SORBS2: variants seen among roughly 807,000 people sequenced by gnomAD.
SORBS2 encodes sorbin and SH3 domain-containing protein 2.
A neutral mutation model predicts 97.7 loss-of-function variants in SORBS2; 46 were observed. The ratio of observed to expected loss-of-function variants is 0.47; its 90% CI spans 0.37 to 0.60. The LOEUF is 0.60. Ranked by LOEUF, SORBS2 falls within the 20% of genes least tolerant of loss-of-function variation. The pLI, the probability that SORBS2 is intolerant of heterozygous loss-of-function variation, is 0.00. For synonymous variants in SORBS2, 476 were observed against 473.4 expected (o/e 1.01, Z -0.07); for missense variants, 1,316 against 1,282.3 (o/e 1.03, Z -0.40).
Position 185,800,419 on chromosome 4 carries a change from C to A in SORBS2, c.-337-25053G>T, listed in dbSNP as rs553928770. 5.3e-5 allele frequency among the ~76,000 whole-genome samples: 8 copies of A among 152,302 alleles called. No individual in the cohort carries two copies. In the South Asian group the frequency reaches 1.2e-3, roughly 24 times the overall value. ...GCCGTTCCTGGGCGTCCGCTGGGAA[C>A]TTCCCTGACTGTCCTTCTGGCTCTC... On this transcript the variant is annotated intron_variant, in intron 1 of 20. Transcript: ENST00000284776.
At chr4:185,622,784 T>C in intron 7 of SORBS2, 130 bp downstream of exon 19, 1 of 824,452 alleles carries the variant, frequency 1.2e-6, no homozygotes, top group Non-Finnish European at 1.9e-6. Flanking sequence ...CAACAAGTTT[T>C]TGCTTCACAA....
At chr4:185,883,941 G>A (rs746119796) in intron 1 of SORBS2, among the ~76,000 whole-genome samples, 12 of 152,196 alleles carry the variant, frequency 7.9e-5, no homozygotes, top group South Asian at 2.1e-4. Context: ...TATCAGTCAC[G>A]TAAGTCCACA....
intron 4 of SORBS2, among the ~76,000 whole-genome samples, chr4:185,671,087 C>T (rs769602578): frequency 8.9e-4 from 135 of 152,110 alleles, no homozygotes; most frequent in Non-Finnish European, 1.5e-3. Context: ...GCCATTGCCC[C>T]GTTTCCCTAA....
At chr4:185,657,904 A>G (rs547421440), upstream of SORBS2, among the ~76,000 whole-genome samples, 8 of 152,312 alleles carry the variant, frequency 5.3e-5, no homozygotes, top group Non-Finnish European at 7.4e-5. Flanking sequence ...TTATCCTTCC[A>G]GTAATCTTTG....
chr4:185,888,566 A>G (rs2099240845), intron 1 of SORBS2, among the ~76,000 whole-genome samples: 1 of 152,238 alleles, frequency 6.6e-6, no homozygotes, highest in South Asian at 2.1e-4. Context: ...AGTTCATGGT[A>G]ACTTGTTACA....
At chr4:185,841,872 C>G (rs2099211756) in intron 1 of SORBS2, among the ~76,000 whole-genome samples, 1 of 152,140 alleles carries the variant, frequency 6.6e-6, no homozygotes, top group African/African-American at 2.4e-5. Context: ...TTTTACTGAC[C>G]AAACACTGTT....
rs372267542 is a variant in SORBS2 at position 185,887,958 on chromosome 4, ATATGTG to A, written c.-338+68232_-338+68237del. On this transcript the variant is annotated intron_variant, in intron 1 of 20. Transcript: ENST00000284776. ...TCATGGATTCTCACATAGTATATAT[ATATGTG>A]TGTGTGTGTGTGTGTGTGTGTGTGT... 2.0e-3 allele frequency among the ~76,000 whole-genome samples: 300 copies of A among 149,124 alleles called. 1 individual carries two copies. The highest frequency in any genetic ancestry group is 5.9e-3 in the East Asian group (30 of 5,082).
At chr4:185,891,082 A>T (rs576743239) in intron 1 of SORBS2, among the ~76,000 whole-genome samples, 2 of 152,148 alleles carry the variant, frequency 1.3e-5, no homozygotes, top group South Asian at 4.2e-4. Flanking sequence ...AAATGTTATG[A>T]GTTTCAGATT....
At chr4:185,792,323 G>A (rs1423315185) in intron 1 of SORBS2, among the ~76,000 whole-genome samples, 1 of 152,068 alleles carries the variant, frequency 6.6e-6, no homozygotes, top group Non-Finnish European at 1.5e-5. Context: ...GTGAAACCCC[G>A]TCTCTACTAA....
intron 1 of SORBS2, among the ~76,000 whole-genome samples, chr4:185,910,594 C>G (rs1341201988): frequency 6.6e-6 from 1 of 152,156 alleles, no homozygotes; most frequent in Admixed American, 6.5e-5. Flanking sequence ...CTTTCCCAGG[C>G]TGGCGTTCAG....
exon 1 of SORBS2, chr4:185,656,844 A>T: frequency 7.4e-7 from 1 of 1,345,554 alleles, no homozygotes; most frequent in Non-Finnish European, 9.5e-7. Flanking sequence ...TTATCATCCC[A>T]GGAGAGCTCT....
At chr4:185,844,950 C>G (rs2099213670) in intron 1 of SORBS2, among the ~76,000 whole-genome samples, 1 of 151,834 alleles carries the variant, frequency 6.6e-6, no homozygotes, top group Admixed American at 6.5e-5. Flanking sequence ...CTGCCTGGGG[C>G]TGGCGAAAGA....
intron 2 of SORBS2, among the ~76,000 whole-genome samples, chr4:185,738,677 T>C (rs1017263644): frequency 2.0e-5 from 3 of 152,224 alleles, no homozygotes; most frequent in Non-Finnish European, 4.4e-5. Flanking sequence ...CATATCTTTA[T>C]ATAGAAAAAG....
intron 6 of SORBS2, among the ~76,000 whole-genome samples, chr4:185,625,309 A>G (rs1004369211): frequency 2.6e-5 from 4 of 152,224 alleles, no homozygotes; most frequent in Non-Finnish European, 5.9e-5. Context: ...AGAGATCTAC[A>G]TTTGGCCTCA....
chr4:185,606,853 C>A lies in SORBS2; in HGVS notation c.2796+4927G>T, dbSNP rs1165814295. 2.0e-6 allele frequency: 2 copies of A among 985,364 alleles called. No homozygotes were observed. The highest frequency in any genetic ancestry group is 2.4e-6 in the Non-Finnish European group (2 of 829,914). The allele number at this position is 985,364 out of a possible 1,614,324, so 61.0% of individuals were successfully genotyped here. A position where few individuals can be genotyped will look rare whatever the true frequency, so the allele number is the denominator to read the frequency against. On this transcript the variant is annotated intron_variant, in intron 12 of 14. Transcript: ENST00000418609. The surrounding 1 kb of genome is among the most constrained non-coding windows in gnomAD (Gnocchi z 4.3). ...GACCGGAAGGGGTACAGGCAAGGAACCCACGCTGGTGCACGCAGAGGCCAC... is the reference window on the plus strand; with the variant it reads ...GACCGGAAGGGGTACAGGCAAGGAAACCACGCTGGTGCACGCAGAGGCCAC...
intron 12 of SORBS2, among the ~76,000 whole-genome samples, chr4:185,594,454 G>A (rs906937699): frequency 6.6e-6 from 1 of 152,116 alleles, no homozygotes; most frequent in Admixed American, 6.5e-5. Flanking sequence ...TGCTACATTT[G>A]AATTAACATT....
chr4:185,855,802 T>C (rs1412993859), intron 1 of SORBS2, among the ~76,000 whole-genome samples: 1 of 152,196 alleles, frequency 6.6e-6, no homozygotes, highest in African/African-American at 2.4e-5. Flanking sequence ...ATGTTTGCTG[T>C]TGTCATTTAC....
At chr4:185,868,589 C>T (rs2099228635) in intron 1 of SORBS2, among the ~76,000 whole-genome samples, 1 of 152,040 alleles carries the variant, frequency 6.6e-6, no homozygotes, top group African/African-American at 2.4e-5. Flanking sequence ...AATTGCCTCA[C>T]CACTATTTAA....
intron 1 of SORBS2, among the ~76,000 whole-genome samples, chr4:185,879,534 C>G (rs2099235818): frequency 6.6e-6 from 1 of 152,140 alleles, no homozygotes; most frequent in South Asian, 2.1e-4. Context: ...AGTATATACC[C>G]AGTAATGGGA....
Sources: gnomAD v4.1 joint callset for allele counts (sites outside exome capture counted in the v4.1 genomes callset) on GRCh38, gnomAD v4.1.1 for gene constraint, Gnocchi (gnomAD v3.1) non-coding constraint, MANE v1.5 for transcripts, NCBI Gene and HGNC (gene_info 2026-07-23, HGNC 2026-07-21) for gene names.